RARB: variants seen among roughly 807,000 people sequenced by gnomAD.
The protein encoded by RARB is retinoic acid receptor beta.
A neutral mutation model predicts 51.9 loss-of-function variants in RARB; 17 were observed. The observed-to-expected ratio is 0.33, with a 90% confidence interval of 0.22 to 0.49. RARB has a LOEUF of 0.49. Ranked by LOEUF, RARB falls within the 20% of genes least tolerant of loss-of-function variation. The probability of loss-of-function intolerance (pLI) is 0.99; values close to 1 mark genes in which losing one functional copy is unlikely to be tolerated. For synonymous variants in RARB, 215 were observed against 195.4 expected (o/e 1.10, Z -0.84); for missense variants, 369 against 550.8 (o/e 0.67, Z 3.30).
chr3:24,913,160 A>G (rs908537442), intron 2 of RARB, among the ~76,000 whole-genome samples: 7 of 150,882 alleles, frequency 4.6e-5, no homozygotes, highest in Admixed American at 1.3e-4. Flanking sequence ...TTGTTTTTGT[A>G]TTTTTAGTAG....
chr3:25,081,747 C>T (rs1184471981), intron 3 of RARB, among the ~76,000 whole-genome samples: 2 of 145,280 alleles, frequency 1.4e-5, no homozygotes, highest in Non-Finnish European at 3.0e-5. Context: ...ATTCTCCTGC[C>T]TCAGCCTCCT....
intron 5 of RARB, among the ~76,000 whole-genome samples, chr3:25,229,014 C>G (rs116531386): frequency 6.6e-6 from 1 of 152,112 alleles, no homozygotes; most frequent in African/African-American, 2.4e-5. Flanking sequence ...TCTCTGCTGT[C>G]CTATCCACTA....
intron 2 of RARB, among the ~76,000 whole-genome samples, chr3:24,906,078 T>C (rs967078472): frequency 1.3e-5 from 2 of 152,030 alleles, no homozygotes; most frequent in African/African-American, 4.8e-5. Context: ...AACAAAAAAT[T>C]AGAACAAAGG....
chr3:25,043,389 C>T (rs961577011), intron 2 of RARB, among the ~76,000 whole-genome samples: 5 of 152,228 alleles, frequency 3.3e-5, no homozygotes, highest in South Asian at 4.1e-4. Context: ...ATAAATACAC[C>T]GGCAACAGGC....
chr3:25,195,019 A>C (rs900147253), intron 5 of RARB, among the ~76,000 whole-genome samples: 1 of 151,972 alleles, frequency 6.6e-6, no homozygotes, highest in Non-Finnish European at 1.5e-5. Context: ...CTTTTAACAG[A>C]AACAAAAGCT....
chr3:24,869,941 T>G (rs1320998268), intron 2 of RARB, among the ~76,000 whole-genome samples: 1 of 152,102 alleles, frequency 6.6e-6, no homozygotes, highest in Admixed American at 6.6e-5. Context: ...TTTTCCGTAC[T>G]TAGTATGGAA....
At chr3:25,590,400 T>A (rs1227755652) in intron 5 of RARB, among the ~76,000 whole-genome samples, 1 of 152,234 alleles carries the variant, frequency 6.6e-6, no homozygotes, top group Non-Finnish European at 1.5e-5. Flanking sequence ...ACAGATCTCA[T>A]GCATTCATTT....
chr3:25,146,935 GA>G (rs1184932436), intron 4 of RARB, among the ~76,000 whole-genome samples: 1 of 152,168 alleles, frequency 6.6e-6, no homozygotes, highest in African/African-American at 2.4e-5. Context: ...GGTAATGTCA[GA>G]ACTGCATGGT....
At chr3:25,549,835 G>A (rs557785929) in intron 3 of RARB, among the ~76,000 whole-genome samples, 15 of 151,860 alleles carry the variant, frequency 9.9e-5, no homozygotes, top group Non-Finnish European at 1.6e-4. Context: ...AACTGACACC[G>A]AGATTGGCCA....
chr3:24,956,698 T>C (rs982150518), intron 2 of RARB, among the ~76,000 whole-genome samples: 2 of 152,212 alleles, frequency 1.3e-5, no homozygotes, highest in Non-Finnish European at 2.9e-5. Flanking sequence ...GTCTCAAGTC[T>C]AATGAAGACT....
intron 2 of RARB, among the ~76,000 whole-genome samples, chr3:25,489,715 C>T (rs1434962040): frequency 6.6e-6 from 1 of 152,152 alleles, no homozygotes; most frequent in African/African-American, 2.4e-5. Flanking sequence ...CAGTCCTGAA[C>T]CAAAGAACAA....
rs1454156068 is a variant in RARB at position 25,431,560 on chromosome 3, G to A, written c.157+2672G>A. Among the ~76,000 whole-genome samples the A allele has an allele frequency of 7.2e-5, 11 of 152,092 alleles. No individual in the cohort carries two copies. The East Asian group carries it at 1.9e-3, about 27-fold the overall frequency. On this transcript the variant is annotated intron_variant, in intron 1 of 7. Coordinates refer to ENST00000330688, the MANE Select transcript of RARB (RefSeq NM_000965.5). ...TAAATTTCTGTTCAGATGTCTCCAG[G>A]ATTATCTTGGTTTTAGGCGGCTCCA...
chr3:25,311,811 T>C (rs996583245), intron 5 of RARB, among the ~76,000 whole-genome samples: 1 of 152,194 alleles, frequency 6.6e-6, no homozygotes, highest in African/African-American at 2.4e-5. Context: ...TTCAGGCTCA[T>C]GACACAAACT....
At chr3:25,011,340 T>C (rs1697389902) in intron 2 of RARB, among the ~76,000 whole-genome samples, 1 of 152,000 alleles carries the variant, frequency 6.6e-6, no homozygotes, top group African/African-American at 2.4e-5. Context: ...ACTGAGAAGG[T>C]GACGTGTGAA....
At chr3:24,996,999 A>C (rs1401996454) in intron 2 of RARB, among the ~76,000 whole-genome samples, 1 of 151,996 alleles carries the variant, frequency 6.6e-6, no homozygotes, top group Non-Finnish European at 1.5e-5. Context: ...GTTTAAATCC[A>C]ATGTTTCTTT....
chr3:25,571,525 C>T (rs538422386), intron 4 of RARB, among the ~76,000 whole-genome samples: 1 of 152,372 alleles, frequency 6.6e-6, no homozygotes, highest in South Asian at 2.1e-4. Flanking sequence ...AACCAGTCTT[C>T]ACTGAGTTTG....
At chr3:25,268,433 G>C (rs899175080) in intron 5 of RARB, among the ~76,000 whole-genome samples, 1 of 151,808 alleles carries the variant, frequency 6.6e-6, no homozygotes, top group Non-Finnish European at 1.5e-5. Context: ...TACAAAAGTG[G>C]ATCTGTGTTT....
chr3:25,485,333 C>T (rs902726734), intron 2 of RARB, among the ~76,000 whole-genome samples: 13 of 152,200 alleles, frequency 8.5e-5, no homozygotes, highest in Admixed American at 2.0e-4. Flanking sequence ...TATAAATCCT[C>T]AGACCCCAGA....
At chr3:25,493,419 C>A (rs1246832222) in intron 2 of RARB, among the ~76,000 whole-genome samples, 1 of 152,150 alleles carries the variant, frequency 6.6e-6, no homozygotes, top group Non-Finnish European at 1.5e-5. Flanking sequence ...TGGGATTATT[C>A]CACACTCACC....
Sources: allele counts gnomAD v4.1 joint callset (sites outside exome capture counted in the v4.1 genomes callset), GRCh38; gene constraint gnomAD v4.1.1; transcripts MANE v1.5; gene names NCBI Gene and HGNC (gene_info 2026-07-23, HGNC 2026-07-21).